The following FSTL5 variants were observed in gnomAD, a reference collection of about 807,000 sequenced individuals.
The protein encoded by FSTL5 is follistatin like 5, also known as follistatin-related protein 5.
A neutral mutation model predicts 89.1 loss-of-function variants in FSTL5; 62 were observed. The observed-to-expected ratio is 0.70, with a 90% CI of 0.57 to 0.86. FSTL5 has a LOEUF of 0.86. Ranked by LOEUF, FSTL5 falls within the 40% of genes least tolerant of loss-of-function variation. The pLI is 0.00. For missense variants in FSTL5, 1,057 were observed against 1,001.6 expected, an observed-to-expected ratio of 1.06 and a Z score of -0.75; for synonymous variants, 383 against 346.2, an observed-to-expected ratio of 1.11 and a Z score of -1.18.
intron 3 of FSTL5, 45 bp from the exon 4 acceptor site, chr4:161,920,697 C>G (rs906809501): frequency 1.3e-6 from 2 of 1,535,772 alleles, no homozygotes; most frequent in Non-Finnish European, 1.8e-6. Flanking sequence ...TTCATTTGTC[C>G]AAATAATATA....
intron 1 of FSTL5, among the ~76,000 whole-genome samples, chr4:162,135,997 C>A (rs1732506314): frequency 6.6e-6 from 1 of 151,828 alleles, no homozygotes; most frequent in African/African-American, 2.4e-5. Flanking sequence ...CTCTGGTTGC[C>A]ATATATATTA....
At chr4:161,829,588 C>T (rs1730779528) in intron 4 of FSTL5, among the ~76,000 whole-genome samples, 1 of 151,902 alleles carries the variant, frequency 6.6e-6, no homozygotes, top group African/African-American at 2.4e-5. Flanking sequence ...TCCAGGTTTG[C>T]TTTGAGCCAT....
intron 3 of FSTL5, among the ~76,000 whole-genome samples, chr4:161,932,986 C>A (rs72981143): frequency 1.0e-3 from 152 of 152,200 alleles, no homozygotes; most frequent in African/African-American, 3.5e-3. Context: ...TACAATACAT[C>A]AAGAAATTAT....
chr4:162,087,108 T>C (rs758288843), intron 2 of FSTL5, among the ~76,000 whole-genome samples: 13 of 152,100 alleles, frequency 8.5e-5, no homozygotes, highest in Non-Finnish European at 1.5e-4. Flanking sequence ...CCAGAACTCT[T>C]CTCTAGATTT....
At chr4:161,779,825 A>ATATATATATATG (rs1215445338) in intron 4 of FSTL5, among the ~76,000 whole-genome samples, 1 of 110,502 alleles carries the variant, frequency 9.0e-6, no homozygotes, top group East Asian at 2.5e-4. Flanking sequence ...ATATATATAT[A>ATATATATATATG]TATATATATA....
At chr4:161,782,862 A>C (rs928570006) in intron 4 of FSTL5, among the ~76,000 whole-genome samples, 1 of 152,206 alleles carries the variant, frequency 6.6e-6, no homozygotes, top group Admixed American at 6.5e-5. Flanking sequence ...AATTTCAATA[A>C]AGATGTTCTA....
chr4:161,818,044 G>T, intron 4 of FSTL5, among the ~76,000 whole-genome samples: 1 of 152,164 alleles, frequency 6.6e-6, no homozygotes, highest in East Asian at 1.9e-4. Flanking sequence ...CCCCCATCCT[G>T]TGCCTATAAA....
intron 3 of FSTL5, among the ~76,000 whole-genome samples, chr4:161,933,605 A>ATT (rs11435801): frequency 1.4e-4 from 20 of 146,314 alleles, no homozygotes; most frequent in African/African-American, 5.0e-4. Flanking sequence ...TTGATCATGG[A>ATT]TTTTTTTTTT....
chr4:161,565,027 T>A (rs1197989782), intron 8 of FSTL5, among the ~76,000 whole-genome samples: 1 of 151,922 alleles, frequency 6.6e-6, no homozygotes, highest in Non-Finnish European at 1.5e-5. Flanking sequence ...CCCAAATCAC[T>A]ATCATAGAAG....
At chr4:162,137,811 T>C (rs1212778559) in intron 1 of FSTL5, among the ~76,000 whole-genome samples, 1 of 152,202 alleles carries the variant, frequency 6.6e-6, no homozygotes, top group Non-Finnish European at 1.5e-5. Context: ...ATTATATTTC[T>C]ATCGAAAAGC....
chr4:161,459,685 A>T (rs1232890114), intron 13 of FSTL5, among the ~76,000 whole-genome samples: 1 of 152,008 alleles, frequency 6.6e-6, no homozygotes, highest in East Asian at 1.9e-4. Flanking sequence ...TAAAAGATTA[A>T]TATATTCATT....
intron 2 of FSTL5, among the ~76,000 whole-genome samples, chr4:162,085,590 T>C (rs1730284789): frequency 6.6e-6 from 1 of 152,144 alleles, no homozygotes; most frequent in Admixed American, 6.6e-5. Context: ...CCAATACGTA[T>C]CTGGTGCACA....
intron 7 of FSTL5, among the ~76,000 whole-genome samples, chr4:161,647,674 G>A (rs189662182): frequency 2.5e-4 from 38 of 152,194 alleles, no homozygotes; most frequent in Middle Eastern, 3.4e-3. Context: ...AATGATACAG[G>A]AGTGATGGGA....
At chr4:161,868,890 T>C (rs1243772043) in intron 4 of FSTL5, among the ~76,000 whole-genome samples, 1 of 152,194 alleles carries the variant, frequency 6.6e-6, no homozygotes, top group East Asian at 1.9e-4. Context: ...TATCCTTATA[T>C]ACTAAGTCAT....
intron 3 of FSTL5, among the ~76,000 whole-genome samples, chr4:162,013,797 CT>C (rs111692343): frequency 0.011 from 1,636 of 144,272 alleles, 30 homozygotes; most frequent in African/African-American, 0.037. Context: ...TGTATGGTGA[CT>C]TTTTTTTTTT....
chr4:161,696,830 T>C (rs551425505), intron 6 of FSTL5, among the ~76,000 whole-genome samples: 1 of 152,354 alleles, frequency 6.6e-6, no homozygotes, highest in Admixed American at 6.5e-5. Context: ...AATTCTTTTA[T>C]TAATTGTAGG....
chr4:161,598,602 A>G (rs1310190488), intron 7 of FSTL5, among the ~76,000 whole-genome samples: 1 of 152,126 alleles, frequency 6.6e-6, no homozygotes, highest in East Asian at 1.9e-4. Flanking sequence ...GAAACAACCA[A>G]TATTCTCAGC....
At chr4:162,045,014 A>G (rs992785108) in intron 2 of FSTL5, among the ~76,000 whole-genome samples, 20 of 152,270 alleles carry the variant, frequency 1.3e-4, no homozygotes, top group African/African-American at 4.6e-4. Context: ...CTCATTATTC[A>G]TACATTCACT....
chr4:162,027,167 C>T (rs914981497), intron 3 of FSTL5, among the ~76,000 whole-genome samples: 5 of 152,068 alleles, frequency 3.3e-5, no homozygotes, highest in African/African-American at 1.2e-4. Flanking sequence ...CTTCCTGTGG[C>T]AGAAGGACAT....
Sources: gnomAD v4.1 joint callset for allele counts (sites outside exome capture counted in the v4.1 genomes callset) on GRCh38, gnomAD v4.1.1 for gene constraint, MANE v1.5 for transcripts, NCBI Gene and HGNC (gene_info 2026-07-23, HGNC 2026-07-21) for gene names.